XKR9: variants seen among roughly 807,000 people sequenced by gnomAD.
XKR9 encodes XK-related protein 9.
Under a neutral mutation model 32.0 loss-of-function variants are expected in XKR9, and 32 were observed. The ratio of observed to expected loss-of-function variants is 1.00; its 90% confidence interval spans 0.76 to 1.34. The LOEUF (loss-of-function observed/expected upper bound fraction) is 1.34. Among genes scored for constraint, XKR9 ranks in the 40% most tolerant of loss-of-function variants. The probability of loss-of-function intolerance (pLI) is 0.00; values close to 1 mark genes in which losing one functional copy is unlikely to be tolerated. For synonymous variants in XKR9, 168 were observed against 143.4 expected (o/e 1.17, Z -1.22); for missense variants, 546 against 429.7 (o/e 1.27, Z -2.39).
chr8:70,799,319 T>C, the XKR9 span, among the ~76,000 whole-genome samples: 35 of 152,114 alleles, frequency 2.3e-4, no homozygotes, highest in Admixed American at 2.0e-3. Flanking sequence ...CTATTGTGAA[T>C]GAGATTGCAT....
At chr8:70,984,724 T>C in the XKR9 span, among the ~76,000 whole-genome samples, 2 of 152,364 alleles carry the variant, frequency 1.3e-5, no homozygotes, top group Middle Eastern at 3.4e-3. Context: ...AGGGCCATTC[T>C]ATTCATTAAG....
At chr8:70,682,950 A>G (rs899231807) in intron 3 of XKR9, among the ~76,000 whole-genome samples, 2 of 152,234 alleles carry the variant, frequency 1.3e-5, no homozygotes, top group African/African-American at 2.4e-5. Flanking sequence ...TAAAGGCTGC[A>G]TGGTGTATCC....
chr8:70,775,662 T>A (rs765511704), intron 2 of XKR9, among the ~76,000 whole-genome samples: 1 of 152,184 alleles, frequency 6.6e-6, no homozygotes, highest in Non-Finnish European at 1.5e-5. Flanking sequence ...ACATGATGTA[T>A]TATACCTTTT....
chr8:70,901,719 TC>T, the XKR9 span, among the ~76,000 whole-genome samples: 2 of 152,314 alleles, frequency 1.3e-5, no homozygotes, highest in South Asian at 4.1e-4. Flanking sequence ...GGTGTTTTAG[TC>T]ATGAAGTCCT....
At chr8:70,736,187 T>C (rs1261328230), downstream of XKR9, among the ~76,000 whole-genome samples, 44 of 148,266 alleles carry the variant, frequency 3.0e-4, no homozygotes, top group South Asian at 4.2e-4. Flanking sequence ...CTCATTGTGG[T>C]TTTGATTTGC....
At chr8:70,728,293 GA>G (rs1471972856) in intron 4 of XKR9, among the ~76,000 whole-genome samples, 1 of 152,122 alleles carries the variant, frequency 6.6e-6, no homozygotes, top group Non-Finnish European at 1.5e-5. Context: ...AATGAAGATG[GA>G]AAAAGGGCGA....
At chr8:70,832,896 C>CTTTT in the XKR9 span, among the ~76,000 whole-genome samples, 1,231 of 152,312 alleles carry the variant, frequency 8.1e-3, 30 homozygotes, top group African/African-American at 0.028. Flanking sequence ...CAACGTCTGT[C>CTTTT]TTTTCACTGA....
At chr8:70,855,322 A>G in the XKR9 span, among the ~76,000 whole-genome samples, 130 of 152,298 alleles carry the variant, frequency 8.5e-4, 1 homozygote, top group Middle Eastern at 3.4e-3. Flanking sequence ...CGAGAACTAC[A>G]TGATGAATGC....
the XKR9 span, among the ~76,000 whole-genome samples, chr8:70,936,347 C>A: frequency 4.6e-5 from 7 of 152,172 alleles, no homozygotes; most frequent in African/African-American, 1.7e-4. Context: ...CAATCTGCTC[C>A]TGTGAAAGAG....
the XKR9 span, among the ~76,000 whole-genome samples, chr8:70,795,927 G>T: frequency 6.6e-6 from 1 of 152,008 alleles, no homozygotes; most frequent in Non-Finnish European, 1.5e-5. Context: ...CATTCTGTAG[G>T]TTGTCTGTTC....
the XKR9 span, among the ~76,000 whole-genome samples, chr8:71,034,603 G>A: frequency 2.0e-5 from 3 of 152,124 alleles, no homozygotes; most frequent in Non-Finnish European, 2.9e-5. Flanking sequence ...TAAGTTACCC[G>A]AAGAGGCCAC....
chr8:70,759,477 G>T (rs1362122889), intron 2 of XKR9, among the ~76,000 whole-genome samples: 1 of 152,192 alleles, frequency 6.6e-6, no homozygotes, highest in South Asian at 2.1e-4. Flanking sequence ...GAAATAATCT[G>T]TCTGACAGAT....
chr8:70,970,078 T>A, the XKR9 span, among the ~76,000 whole-genome samples: 1 of 152,216 alleles, frequency 6.6e-6, no homozygotes, highest in South Asian at 2.1e-4. Flanking sequence ...GCCATTATTT[T>A]ATTCCTTTTT....
At chr8:70,779,742 A>C (rs1807589323) in intron 2 of XKR9, among the ~76,000 whole-genome samples, 1 of 152,158 alleles carries the variant, frequency 6.6e-6, no homozygotes, top group Admixed American at 6.5e-5. Context: ...TTATTTGCTT[A>C]GAGGTGTTTA....
At chr8:70,832,750 T>G in the XKR9 span, among the ~76,000 whole-genome samples, 2 of 152,226 alleles carry the variant, frequency 1.3e-5, no homozygotes, top group Non-Finnish European at 1.5e-5. Context: ...GAATGGTTAA[T>G]AACTTGCTCA....
At chr8:70,889,718 A>G in the XKR9 span, among the ~76,000 whole-genome samples, 1 of 151,926 alleles carries the variant, frequency 6.6e-6, no homozygotes, top group Admixed American at 6.6e-5. Flanking sequence ...AGTGGCCTCC[A>G]GCTGCATACA....
the XKR9 span, among the ~76,000 whole-genome samples, chr8:71,035,128 A>T: frequency 6.6e-6 from 1 of 152,196 alleles, no homozygotes; most frequent in Non-Finnish European, 1.5e-5. Context: ...TTTTGATATG[A>T]ATATATTGAA....
At chr8:70,769,328 C>T (rs1241019310) in intron 2 of XKR9, among the ~76,000 whole-genome samples, 1 of 151,692 alleles carries the variant, frequency 6.6e-6, no homozygotes, top group Non-Finnish European at 1.5e-5. Flanking sequence ...ATGGGCTTCC[C>T]TTTGTGGGTT....
At chr8:70,979,133 C>T in the XKR9 span, among the ~76,000 whole-genome samples, 1 of 152,148 alleles carries the variant, frequency 6.6e-6, no homozygotes, top group Non-Finnish European at 1.5e-5. Flanking sequence ...ATTAGCCATT[C>T]ATCTAATCTT....
Sources: gnomAD v4.1 joint callset for allele counts (sites outside exome capture counted in the v4.1 genomes callset) on GRCh38, gnomAD v4.1.1 for gene constraint, MANE v1.5 for transcripts, NCBI Gene and HGNC (gene_info 2026-07-23, HGNC 2026-07-21) for gene names.